The following FER1L6 variants were observed in gnomAD, a reference collection of about 807,000 sequenced individuals.
FER1L6 encodes the protein fer-1-like protein 6.
A neutral mutation model predicts 219.2 loss-of-function variants in FER1L6; 177 were observed. The observed-to-expected ratio is 0.81, with a 90% CI of 0.71 to 0.91. The LOEUF (loss-of-function observed/expected upper bound fraction) is 0.91. Ranked by LOEUF, FER1L6 falls within the 40% of genes least tolerant of loss-of-function variation. The probability of loss-of-function intolerance (pLI) is 0.00; values close to 1 mark genes in which losing one functional copy is unlikely to be tolerated. For synonymous variants in FER1L6, 768 were observed against 824.3 expected, an observed-to-expected ratio of 0.93 and a Z score of 1.17; for missense variants, 2,153 against 2,259.9, an observed-to-expected ratio of 0.95 and a Z score of 0.96.
At chr8:123,875,631 A>G (rs185975868) in intron 1 of FER1L6, among the ~76,000 whole-genome samples, 14 of 152,264 alleles carry the variant, frequency 9.2e-5, no homozygotes, top group South Asian at 6.2e-4. Flanking sequence ...CACCTTGTTC[A>G]TCTCTAACAG....
chr8:124,066,337 C>T, intron 26 of FER1L6, 91 bp from the exon 27 acceptor site: 11 of 1,465,574 alleles, frequency 7.5e-6, no homozygotes, highest in Non-Finnish European at 1.0e-5. Flanking sequence ...CCAGTGGACA[C>T]CTAAATGTTT....
At chr8:124,094,138 A>G (rs75118852) in intron 34 of FER1L6, among the ~76,000 whole-genome samples, 4,767 of 152,260 alleles carry the variant, frequency 0.031, 252 homozygotes, top group African/African-American at 0.11. Flanking sequence ...AACCGTGAGA[A>G]GACAAAAGAC....
intron 12 of FER1L6, among the ~76,000 whole-genome samples, chr8:123,997,422 C>T (rs868322425): frequency 3.3e-5 from 5 of 152,082 alleles, no homozygotes; most frequent in Admixed American, 1.3e-4. Context: ...TTTCTTTTCT[C>T]TTGCTGCTTT....
intron 17 of FER1L6, among the ~76,000 whole-genome samples, chr8:124,022,475 TG>T (rs754476763): frequency 7.2e-5 from 11 of 152,244 alleles, no homozygotes; most frequent in Non-Finnish European, 1.3e-4. Flanking sequence ...CATAACATAA[TG>T]GGCCACTTGG....
At chr8:123,870,724 T>C (rs1816909797) in intron 1 of FER1L6, among the ~76,000 whole-genome samples, 2 of 152,218 alleles carry the variant, frequency 1.3e-5, no homozygotes, top group African/African-American at 2.4e-5. Flanking sequence ...GGTTCTGTAA[T>C]GTGAATACAT....
At position 123,977,644 on chromosome 8, in the gene FER1L6, C is replaced by A. The variant is rs1299256552; in HGVS notation, c.1063+35C>A. 3.1e-6 allele frequency: 5 copies of A among 1,600,552 alleles called. No individual in the cohort carries two copies. The East Asian group carries it at 1.1e-4, about 36-fold the overall frequency. On this transcript the variant is annotated intron_variant, in intron 10 of 40. Coordinates refer to ENST00000522917, the MANE Select transcript of FER1L6 (RefSeq NM_001039112.2). Reference sequence around the variant, plus strand: ...CATCCATCTGACTTGAAAAATGTCTCAAAATGCTTGCTTTAGAGCCCTCAT... The same window carrying A: ...CATCCATCTGACTTGAAAAATGTCTAAAAATGCTTGCTTTAGAGCCCTCAT...
intron 30 of FER1L6, among the ~76,000 whole-genome samples, chr8:124,071,090 T>C (rs181889341): frequency 6.6e-6 from 1 of 152,320 alleles, no homozygotes; most frequent in African/African-American, 2.4e-5. Flanking sequence ...ATTCAAATTC[T>C]AGTTATAGTA....
At chr8:124,082,842 A>C (rs545049281) in intron 33 of FER1L6, among the ~76,000 whole-genome samples, 1 of 152,322 alleles carries the variant, frequency 6.6e-6, no homozygotes, top group Non-Finnish European at 1.5e-5. Context: ...TTTCGATAAC[A>C]AAGCACTTTA....
chr8:123,888,290 T>A (rs1817241869), intron 1 of FER1L6, among the ~76,000 whole-genome samples: 1 of 152,092 alleles, frequency 6.6e-6, no homozygotes, highest in South Asian at 2.1e-4. Context: ...CTGATTTTTG[T>A]AGTTTTAGTA....
chr8:124,007,548 T>A (rs1048942317), intron 13 of FER1L6, among the ~76,000 whole-genome samples: 5 of 152,202 alleles, frequency 3.3e-5, no homozygotes, highest in Non-Finnish European at 7.3e-5. Context: ...GGAATTAAAA[T>A]CTATAAATTA....
In FER1L6 at chr8:124,101,002, T is replaced by C. The variant is rs1586340459; in HGVS notation, c.4884-95T>C. On this transcript the variant is annotated intron_variant, in intron 37 of 40. Coordinates refer to ENST00000522917, the MANE Select transcript of FER1L6 (RefSeq NM_001039112.2). ...TTATAATGATTTTTAAACTATGCTC[T>C]GTGACCACATTGAAATAAGCTAAAT... 24 of 1,167,672 alleles carry C rather than the reference T, an allele frequency of 2.1e-5. No individual in the cohort carries two copies. The East Asian group carries it at 5.4e-4, about 26-fold the overall frequency. The allele number at this position is 1,167,672 out of a possible 1,614,324, so 72.3% of individuals were successfully genotyped here.
intron 6 of FER1L6, among the ~76,000 whole-genome samples, chr8:123,971,445 T>A (rs1815810872): frequency 6.6e-6 from 1 of 152,226 alleles, no homozygotes; most frequent in Admixed American, 6.5e-5. Flanking sequence ...CATAGGAGGC[T>A]TCTAAGGATT....
At chr8:124,098,834 T>C (rs1309954749) in intron 37 of FER1L6, among the ~76,000 whole-genome samples, 1 of 152,188 alleles carries the variant, frequency 6.6e-6, no homozygotes, top group Non-Finnish European at 1.5e-5. Context: ...CTCTGTCTCC[T>C]TCCCTCCCAC....
chr8:123,892,985 G>C (rs1003992785), intron 1 of FER1L6, among the ~76,000 whole-genome samples: 9 of 152,046 alleles, frequency 5.9e-5, no homozygotes, highest in African/African-American at 2.2e-4. Flanking sequence ...TTCCAGGATT[G>C]TGTGAGAGTC....
chr8:123,900,707 A>G (rs1812840617), intron 1 of FER1L6, among the ~76,000 whole-genome samples: 3 of 152,244 alleles, frequency 2.0e-5, no homozygotes, highest in Non-Finnish European at 4.4e-5. Context: ...AGTTTTAATC[A>G]TAAAGTGGTA....
At chr8:124,110,908 G>A (rs574317140) in intron 39 of FER1L6, among the ~76,000 whole-genome samples, 8 of 151,996 alleles carry the variant, frequency 5.3e-5, no homozygotes, top group African/African-American at 1.9e-4. Context: ...CAGCAGTGTC[G>A]TTTAATCAGT....
chr8:124,090,802 ACT>A (rs1821997002), intron 33 of FER1L6, among the ~76,000 whole-genome samples: 2 of 152,144 alleles, frequency 1.3e-5, no homozygotes, highest in East Asian at 1.9e-4. Flanking sequence ...ACACATCAAG[ACT>A]CTATCTGTGA....
chr8:123,891,271 G>C (rs1812644347), intron 1 of FER1L6, among the ~76,000 whole-genome samples: 1 of 152,044 alleles, frequency 6.6e-6, no homozygotes, highest in Non-Finnish European at 1.5e-5. Context: ...AACCAATCTT[G>C]GAAATGTGCG....
At chr8:124,021,121 T>C (rs944260239) in intron 16 of FER1L6, among the ~76,000 whole-genome samples, 6 of 152,132 alleles carry the variant, frequency 3.9e-5, no homozygotes, top group African/African-American at 9.7e-5. Flanking sequence ...ATGAGAACCT[T>C]ACTCACTATC....
Sources: gnomAD v4.1 joint callset for allele counts (sites outside exome capture counted in the v4.1 genomes callset) on GRCh38, gnomAD v4.1.1 for gene constraint, MANE v1.5 for transcripts, NCBI Gene and HGNC (gene_info 2026-07-23, HGNC 2026-07-21) for gene names.